Variants in SLTM observed in about 807,000 individuals in gnomAD.
The protein encoded by SLTM is SAFB-like transcription modulator.
SLTM carries 43 observed loss-of-function variants against 134.6 expected under a neutral mutation model. The observed-to-expected ratio is 0.32, with a 90% CI of 0.25 to 0.41. SLTM has a LOEUF of 0.41. Ranked by LOEUF, SLTM falls within the 10% of genes least tolerant of loss-of-function variation. The pLI is 1.00. For missense variants in SLTM, 1,055 were observed against 1,288.8 expected (o/e 0.82, Z 2.78); for synonymous variants, 424 against 432.3 (o/e 0.98, Z 0.24).
rs1304711523 is a variant in SLTM at position 58,889,498 on chromosome 15, T to C, written c.2136A>G (p.Gln712=). ...CTTGTTCATAACGAAGCTGCTGTTG[T>C]TGCCTTCTGAGTTCCTCTCTTTCTC... The part of the protein sequence containing the change: ...IAREREELRR[Q]QQQLRYEQEK... Residue 712 remains glutamine (Q), a synonymous_variant, in exon 16 of 21, where the codon CAA becomes CAG. Coordinates refer to ENST00000380516, the MANE Select transcript of SLTM (RefSeq NM_024755.4). The C allele has an allele frequency of 2.5e-6, 4 of 1,614,014 alleles. No individual in the cohort carries two copies. In the African/African-American group the frequency reaches 4.0e-5, roughly 16 times the overall value.
At chr15:58,881,193 C>G (rs886553445) in intron 20 of SLTM, among the ~76,000 whole-genome samples, 1 of 151,358 alleles carries the variant, frequency 6.6e-6, no homozygotes, top group Non-Finnish European at 1.5e-5. Context: ...GACTCCATCT[C>G]AAAAAAGAAA....
chr15:58,881,267 T>C (rs114229858), intron 20 of SLTM, among the ~76,000 whole-genome samples: 2,069 of 152,244 alleles, frequency 0.014, 48 homozygotes, highest in African/African-American at 0.048. Context: ...TTCACACCTA[T>C]AATACCAGCA....
chr15:58,891,387 A>T (rs534089480), intron 14 of SLTM, among the ~76,000 whole-genome samples: 1 of 152,334 alleles, frequency 6.6e-6, no homozygotes, highest in South Asian at 2.1e-4. Context: ...TTAAGCAAAA[A>T]TAATATGTCA....
chr15:58,901,307 C>T lies in SLTM; in HGVS notation c.562-20G>A, dbSNP rs367596120. On this transcript the variant is annotated intron_variant, in intron 5 of 20. Coordinates refer to ENST00000380516, the MANE Select transcript of SLTM (RefSeq NM_024755.4). ...ACCATCCTGAAATTCAAAGAATAAT[C>T]AAATGTAAAATGAATTCACATAAAA... 2 of 1,594,150 alleles carry T rather than the reference C, an allele frequency of 1.3e-6. No homozygotes were observed. The highest frequency in any genetic ancestry group is 2.7e-5 in the African/African-American group (2 of 74,288).
intron 20 of SLTM, among the ~76,000 whole-genome samples, chr15:58,882,861 G>A (rs1244197981): frequency 1.3e-5 from 2 of 152,176 alleles, no homozygotes; most frequent in Admixed American, 6.5e-5. Flanking sequence ...AGTAAAGCTC[G>A]CCTCTTAACG....
In SLTM at chr15:58,926,726, T is replaced by C. The variant is rs142364712; in HGVS notation, c.250+5630A>G. Among the ~76,000 whole-genome samples, 405 of 151,872 alleles carry C rather than the reference T, an allele frequency of 2.7e-3. 1 individual carries two copies. The highest frequency in any genetic ancestry group is 9.3e-3 in the African/African-American group (386 of 41,422). ...TCCTCCCAAGTTCAAGTGATTCTCC[T>C]GCCTGAGCCTCCAGAGTAGCTGGGA... On this transcript the variant is annotated intron_variant, in intron 2 of 20. Coordinates refer to ENST00000380516, the MANE Select transcript of SLTM (RefSeq NM_024755.4).
At chr15:58,886,556 G>A (rs374487124) in intron 19 of SLTM, among the ~76,000 whole-genome samples, 3 of 152,108 alleles carry the variant, frequency 2.0e-5, no homozygotes, top group African/African-American at 7.2e-5. Context: ...CCAAAGTGTT[G>A]GCATGAGCCA....
chr15:58,893,086 T>G, intron 13 of SLTM, 26 bp from the exon 14 acceptor site: 1 of 1,552,436 alleles, frequency 6.4e-7, no homozygotes, highest in East Asian at 2.3e-5. Flanking sequence ...AGAAGAACAC[T>G]AGAAATTAAA....
At chr15:58,882,181 C>CAAACAAAAAAAAAA (rs2033778798) in intron 20 of SLTM, among the ~76,000 whole-genome samples, 2 of 59,526 alleles carry the variant, frequency 3.4e-5, no homozygotes, top group South Asian at 2.3e-3. Flanking sequence ...GACTCTGTCT[C>CAAACAAAAAAAAAA]AAAAAAAAAA....
chr15:58,881,140 G>C (rs1410016763), intron 20 of SLTM, among the ~76,000 whole-genome samples: 2 of 151,948 alleles, frequency 1.3e-5, no homozygotes, highest in Admixed American at 1.3e-4. Context: ...GTTGCAGTGA[G>C]CTGAGATCAT....
chr15:58,893,409 TGAGA>T (rs2034820544), intron 12 of SLTM, 45 bp from the exon 13 acceptor site: 1 of 1,380,528 alleles, frequency 7.2e-7, no homozygotes, highest in Non-Finnish European at 1.0e-6. Context: ...AATTTTTCAT[TGAGA>T]AAGAAAATAT....
intron 7 of SLTM, 60 bp from the exon 8 acceptor site, chr15:58,898,912 G>A (rs2035284771): frequency 1.6e-6 from 2 of 1,222,236 alleles, no homozygotes; most frequent in African/African-American, 3.0e-5. Flanking sequence ...ACCCAAAACA[G>A]AACAGCTTGA....
At chr15:58,922,536 T>A (rs2037144047) in intron 2 of SLTM, among the ~76,000 whole-genome samples, 2 of 27,830 alleles carry the variant, frequency 7.2e-5, no homozygotes, top group South Asian at 3.1e-3. Flanking sequence ...ACGTATATAA[T>A]ATATTTTATA....
intron 5 of SLTM, among the ~76,000 whole-genome samples, chr15:58,908,002 C>CATGTGTGT (rs145467179): frequency 1.4e-5 from 2 of 139,870 alleles, no homozygotes; most frequent in African/African-American, 2.7e-5. Flanking sequence ...AAACATGCTG[C>CATGTGTGT]GTGTGTGTGT....
At chr15:58,895,331 C>T (rs551347969) in intron 9 of SLTM, among the ~76,000 whole-genome samples, 6 of 152,230 alleles carry the variant, frequency 3.9e-5, no homozygotes, top group Admixed American at 2.0e-4. Flanking sequence ...AATGCATCCC[C>T]CGAAAAACAC....
At chr15:58,896,714 C>A (rs75888123) in intron 9 of SLTM, among the ~76,000 whole-genome samples, 10,386 of 152,108 alleles carry the variant, frequency 0.068, 364 homozygotes, top group African/African-American at 0.083. Context: ...AGGATCATAT[C>A]TGGTTCTCCC....
chr15:58,895,993 C>T lies in SLTM; in HGVS notation c.1227+1122G>A, dbSNP rs117398067. Among the ~76,000 whole-genome samples the T allele has an allele frequency of 7.2e-3, 1,103 of 152,234 alleles. 13 individuals carry two copies. The highest frequency in any genetic ancestry group is 0.011 in the Non-Finnish European group (732 of 68,024). On this transcript the variant is annotated intron_variant, in intron 9 of 20. Transcript: ENST00000380516. ...GAAGTACACTAAATAAGGTCCCTGA[C>T]CTCAAAAAGCTTACACTGGAGTACA...
chr15:58,922,179 T>C lies in SLTM; in HGVS notation c.251-5180A>G, dbSNP rs1330684861. ...CCACTTGAGGTCAGGAGTGTGCAAC[T>C]AGCCTGGCCAACATGGTGAAACCCT... On this transcript the variant is annotated intron_variant, in intron 2 of 20. Transcript: ENST00000380516. Among the ~76,000 whole-genome samples, 3 of 150,972 alleles carry C rather than the reference T, an allele frequency of 2.0e-5. No homozygotes were observed. In the East Asian group the frequency reaches 5.9e-4, roughly 30 times the overall value.
intron 2 of SLTM, among the ~76,000 whole-genome samples, chr15:58,922,248 A>G (rs1245506293): frequency 1.3e-5 from 2 of 150,518 alleles, no homozygotes; most frequent in African/African-American, 2.4e-5. Flanking sequence ...GTGGTGACTC[A>G]TGGTTGTAAT....
Sources: gnomAD v4.1 joint callset for allele counts (sites outside exome capture counted in the v4.1 genomes callset) on GRCh38, gnomAD v4.1.1 for gene constraint, MANE v1.5 for transcripts, NCBI Gene and HGNC (gene_info 2026-07-23, HGNC 2026-07-21) for gene names.